The following ANKRD30B variants were observed in gnomAD, a reference collection of about 807,000 sequenced individuals.
The protein encoded by ANKRD30B is ankyrin repeat domain 30B.
In ANKRD30B, 144 loss-of-function variants were observed where a neutral mutation model predicts 202.2. The ratio of observed to expected loss-of-function variants is 0.71; its 90% CI spans 0.62 to 0.82. ANKRD30B has a LOEUF of 0.82. ANKRD30B is among the 40% of genes least tolerant of loss of function. The pLI is 0.00. For synonymous variants in ANKRD30B, 508 were observed against 561.3 expected, an observed-to-expected ratio of 0.91 and a Z score of 1.34; for missense variants, 1,487 against 1,669.1, an observed-to-expected ratio of 0.89 and a Z score of 1.90.
chr18:14,927,415 C>T, the ANKRD30B span, among the ~76,000 whole-genome samples: 3 of 152,114 alleles, frequency 2.0e-5, no homozygotes, highest in Non-Finnish European at 2.9e-5. Flanking sequence ...TAATATTAAG[C>T]CTGTAGGGTT....
chr18:14,940,279 C>A, the ANKRD30B span, among the ~76,000 whole-genome samples: 1 of 152,196 alleles, frequency 6.6e-6, no homozygotes, highest in Non-Finnish European at 1.5e-5. Flanking sequence ...ACAAAGCTTG[C>A]CTAGAGTTTC....
intron 34 of ANKRD30B, among the ~76,000 whole-genome samples, chr18:14,834,264 GTA>G (rs1385406031): frequency 6.6e-6 from 1 of 151,842 alleles, no homozygotes; most frequent in African/African-American, 2.4e-5. Flanking sequence ...TATTTCTACA[GTA>G]CTATAAACTG....
intron 30 of ANKRD30B, among the ~76,000 whole-genome samples, chr18:14,818,143 CTG>C (rs548352671): frequency 5.3e-4 from 80 of 152,230 alleles, no homozygotes; most frequent in African/African-American, 1.7e-3. Flanking sequence ...AAAGAAATGT[CTG>C]TTTTTTCTTG....
At chr18:14,903,623 G>C in the ANKRD30B span, 1 of 152,202 alleles carries the variant, frequency 6.6e-6, no homozygotes, top group African/African-American at 2.4e-5. Flanking sequence ...TATGTAGACA[G>C]AGAACGTTCT....
chr18:14,778,108 G>T, intron 10 of ANKRD30B, 33 bp downstream of exon 10: 2 of 1,397,550 alleles, frequency 1.4e-6, no homozygotes, highest in South Asian at 2.5e-5. Flanking sequence ...AACATCTTTT[G>T]ACCAAATGTT....
chr18:14,777,531 C>T (rs181081408), intron 9 of ANKRD30B, among the ~76,000 whole-genome samples: 2 of 151,972 alleles, frequency 1.3e-5, no homozygotes, highest in East Asian at 3.9e-4. Context: ...CTCTTGACCT[C>T]GTGATCCCCC....
At chr18:14,876,946 CTAT>C in the ANKRD30B span, among the ~76,000 whole-genome samples, 2 of 1,008 alleles carry the variant, frequency 2.0e-3, no homozygotes, top group Non-Finnish European at 9.6e-3. Context: ...TCAGTGCATT[CTAT>C]TCTCAAGGTT....
chr18:14,753,932 T>C (rs1598560604), intron 3 of ANKRD30B, among the ~76,000 whole-genome samples: 1 of 152,124 alleles, frequency 6.6e-6, no homozygotes, highest in Non-Finnish European at 1.5e-5. Context: ...TTTCCAAAAA[T>C]TAAGTAGCAA....
At chr18:14,749,544 G>A (rs1475423564) in intron 1 of ANKRD30B, among the ~76,000 whole-genome samples, 2 of 151,758 alleles carry the variant, frequency 1.3e-5, no homozygotes, top group Non-Finnish European at 2.9e-5. Context: ...GATGTCGGGT[G>A]CCTGTAATCC....
chr18:14,786,818 T>A (rs1329175552), intron 14 of ANKRD30B, among the ~76,000 whole-genome samples: 2 of 152,212 alleles, frequency 1.3e-5, no homozygotes, highest in Non-Finnish European at 1.5e-5. Flanking sequence ...GTCAAATTTC[T>A]ATTTTTCTTC....
At chr18:14,855,630 G>A (rs919554278), downstream of ANKRD30B, among the ~76,000 whole-genome samples, 1 of 150,888 alleles carries the variant, frequency 6.6e-6, no homozygotes, top group Admixed American at 6.6e-5. Context: ...ACCAGATGAA[G>A]GGCAGCCAGG....
chr18:14,871,185 G>A, the ANKRD30B span, among the ~76,000 whole-genome samples: 67 of 57,090 alleles, frequency 1.2e-3, no homozygotes, highest in East Asian at 0.013. Flanking sequence ...ACCCTCACCC[G>A]CACACCCTCA....
intron 34 of ANKRD30B, among the ~76,000 whole-genome samples, chr18:14,836,375 CG>C: frequency 6.6e-6 from 1 of 152,008 alleles, no homozygotes; most frequent in African/African-American, 2.4e-5. Flanking sequence ...GCACTTCAAC[CG>C]GCACTTCAAC....
intron 7 of ANKRD30B, among the ~76,000 whole-genome samples, chr18:14,765,729 A>C (rs1417896779): frequency 6.6e-6 from 1 of 152,012 alleles, no homozygotes; most frequent in South Asian, 2.1e-4. Flanking sequence ...AAGCTTTTGT[A>C]GTAGTTCATG....
At chr18:14,865,962 C>T in the ANKRD30B span, among the ~76,000 whole-genome samples, 6 of 152,110 alleles carry the variant, frequency 3.9e-5, no homozygotes, top group South Asian at 2.1e-4. Flanking sequence ...ACTACACGTT[C>T]CAGGATTGGA....
At chr18:14,796,508 T>A (rs566546424) in intron 18 of ANKRD30B, 93 bp downstream of exon 18, 53 of 1,410,658 alleles carry the variant, frequency 3.8e-5, no homozygotes, top group Admixed American at 1.1e-4. Context: ...TGTTTTCTTT[T>A]GAAAATTTGG....
At position 14,837,213 on chromosome 18, in the gene ANKRD30B, G is replaced by A. The variant is rs1971216314; in HGVS notation, c.2850G>A (p.Glu950=). The change falls in exon 35 of 44, where the codon GAG becomes GAA. Residue 950 remains glutamate, a splice_region_variant and synonymous_variant. Transcript: ENST00000690538. ...TTTCTGTGTTTTGTTTGTAATAGGAGGGAGCAACAAAGACAGTAACTGGAC... is the reference window on the plus strand; with the variant it reads ...TTTCTGTGTTTTGTTTGTAATAGGAAGGAGCAACAAAGACAGTAACTGGAC... ...VEEDFNLTTK[E]GATKTVTGQQ... The A allele has an allele frequency of 6.5e-7, 1 of 1,541,986 alleles. No individual in the cohort carries two copies. Among genetic ancestry groups the A allele is most frequent in the Non-Finnish European group, 8.8e-7 (1 of 1,141,968 alleles).
downstream of ANKRD30B, among the ~76,000 whole-genome samples, chr18:14,855,973 A>G (rs1598729583): frequency 1.8e-5 from 2 of 113,500 alleles, no homozygotes; most frequent in African/African-American, 3.4e-5. Context: ...GATGATGGGC[A>G]GCTGGGCAAA....
At chr18:14,823,761 G>T (rs1282353427) in intron 32 of ANKRD30B, among the ~76,000 whole-genome samples, 1 of 152,140 alleles carries the variant, frequency 6.6e-6, no homozygotes, top group Non-Finnish European at 1.5e-5. Context: ...ATAACTGAAG[G>T]TTAGGAGTTC....
Sources: allele counts gnomAD v4.1 joint callset (sites outside exome capture counted in the v4.1 genomes callset), GRCh38; gene constraint gnomAD v4.1.1; transcripts MANE v1.5; gene names NCBI Gene and HGNC (gene_info 2026-07-23, HGNC 2026-07-21).